The following MYH13 variants were observed in gnomAD, a reference collection of about 807,000 sequenced individuals.
MYH13 encodes the protein myosin heavy chain 13, also known as myosin-13.
Under a neutral mutation model 232.1 loss-of-function variants are expected in MYH13, and 177 were observed. That is an observed-to-expected ratio of 0.76 (90% CI 0.67 to 0.86). The LOEUF (loss-of-function observed/expected upper bound fraction) is 0.86. MYH13 is among the 40% of genes least tolerant of loss of function. The pLI, the probability that MYH13 is intolerant of heterozygous loss-of-function variation, is 0.00. For synonymous variants in MYH13, 884 were observed against 923.5 expected (o/e 0.96, Z 0.78); for missense variants, 2,246 against 2,405.9 (o/e 0.93, Z 1.39).
chr17:10,304,980 T>C lies in MYH13; in HGVS notation c.5466+1479A>G, dbSNP rs1906226816. ...CTGCAGAGCAGGGCCAACTCTGGGC[T>C]TGGAGACTCACTAGATCAGCCTTGA... On this transcript the variant is annotated intron_variant, in intron 37 of 40. Coordinates refer to ENST00000252172, the MANE Select transcript of MYH13 (RefSeq NM_003802.3). This position sits in a 1 kb window ranked among gnomAD's most constrained non-coding sequence, Gnocchi z 5.3. Among the ~76,000 whole-genome samples the C allele has an allele frequency of 6.6e-6, 1 of 152,188 alleles. No individual in the cohort carries two copies. Among genetic ancestry groups the C allele is most frequent in the African/African-American group, 2.4e-5 (1 of 41,454 alleles).
At chr17:10,359,321 T>G (rs1231561127) in intron 7 of MYH13, among the ~76,000 whole-genome samples, 1 of 152,186 alleles carries the variant, frequency 6.6e-6, no homozygotes, top group African/African-American at 2.4e-5. Context: ...GCTCATGTAA[T>G]GCAACCTCTA....
At chr17:10,352,356 C>T (rs568601249) in intron 11 of MYH13, among the ~76,000 whole-genome samples, 1 of 152,092 alleles carries the variant, frequency 6.6e-6, no homozygotes, top group Admixed American at 6.5e-5. Context: ...CTTTGGAAGG[C>T]CGAGGTGGGT....
chr17:10,303,605 A>G lies in MYH13; in HGVS notation c.5467-107T>C, dbSNP rs144869502. 2.2e-3 allele frequency: 2,056 copies of G among 938,238 alleles called. 39 individuals carry two copies. In the East Asian group the frequency reaches 0.038, roughly 17 times the overall value. 58.1% of individuals were successfully genotyped at this position (938,238 alleles called of 1,614,324 possible). On this transcript the variant is annotated intron_variant, in intron 37 of 40. Transcript: ENST00000252172. ...GTGAACTCAAGATCCCCTAATGGTC[A>G]TTAAAAAGTCAGGAAACAACAGATG...
intron 5 of MYH13, 34 bp from the exon 6 acceptor site, chr17:10,360,222 T>A (rs758355657): frequency 6.2e-7 from 1 of 1,604,550 alleles, no homozygotes; most frequent in Non-Finnish European, 8.5e-7. Flanking sequence ...ACAAAACAAA[T>A]AAACAACAAA....
chr17:10,331,054 C>T (rs1296743101), intron 20 of MYH13, among the ~76,000 whole-genome samples: 2 of 151,982 alleles, frequency 1.3e-5, no homozygotes, highest in Non-Finnish European at 2.9e-5. Context: ...ACAACAACGA[C>T]AAAAACAACG....
intron 13 of MYH13, 59 bp from the exon 14 acceptor site, chr17:10,345,675 T>A: frequency 6.2e-7 from 1 of 1,612,050 alleles, no homozygotes; most frequent in Non-Finnish European, 8.5e-7. Flanking sequence ...TGCATTAAGT[T>A]GAAACATATG....
rs763612530 is a variant in MYH13 at position 10,309,293 on chromosome 17, T to A, written c.5110A>T (p.Arg1704Trp). The change falls in exon 35 of 41, where the codon AGG becomes TGG. Residue 1704 changes from arginine (R) to tryptophan (W), a missense_variant. Arg to Trp is a moderately radical substitution (Grantham distance 101, BLOSUM62 -3). Transcript: ENST00000252172. ...VALEQTERTRRLSEQELLDAS... is the reference protein window; with the variant it reads ...VALEQTERTRWLSEQELLDAS... Reference sequence around the variant, plus strand: ...TCCAGCAGCTCCTGCTCTGACAGCCTGCGGGTCCGCTCCGTCTGTTCCAGG... The same window carrying A: ...TCCAGCAGCTCCTGCTCTGACAGCCAGCGGGTCCGCTCCGTCTGTTCCAGG... 2.5e-6 allele frequency: 4 copies of A among 1,613,888 alleles called. No homozygotes were observed. The highest frequency in any genetic ancestry group is 3.4e-6 in the Non-Finnish European group (4 of 1,179,842).
At chr17:10,307,183 A>C in intron 35 of MYH13, 119 bp from the exon 36 acceptor site, 8 of 1,280,106 alleles carry the variant, frequency 6.2e-6, no homozygotes, top group Non-Finnish European at 7.5e-6. Context: ...TATTTTTCAC[A>C]TGGGTGACCT....
At chr17:10,349,133 A>G (rs1010347673) in intron 12 of MYH13, among the ~76,000 whole-genome samples, 1 of 143,090 alleles carries the variant, frequency 7.0e-6, no homozygotes, top group Non-Finnish European at 1.5e-5. Context: ...ATGGAGTTTC[A>G]CGATTTTCAC....
Position 10,324,263 on chromosome 17 carries a change from T to G in MYH13, c.2693A>C (p.Glu898Ala), listed in dbSNP as rs1168036095. ...KNDLQLQVQSETENLMDAEER... is the reference protein window; with the variant it reads ...KNDLQLQVQSATENLMDAEER... ...CTCAGCGTCCATCAGATTTTCTGTT[T>G]CCTGAAAGAACCAGGTCATTTTATG... The change falls in exon 23 of 41, where the codon GAA (glutamate) becomes GCA (alanine). Residue 898 changes from glutamate to alanine, a missense_variant and splice_region_variant. By Grantham distance (107) the Glu-to-Ala change is moderately radical. Coordinates refer to ENST00000252172, the MANE Select transcript of MYH13 (RefSeq NM_003802.3). The G allele has an allele frequency of 2.5e-6, 4 of 1,613,192 alleles. No individual in the cohort carries two copies. Among genetic ancestry groups the G allele is most frequent in the Admixed American group, 1.7e-5 (1 of 59,862 alleles).
At chr17:10,312,460 C>T (rs569777876) in intron 31 of MYH13, 114 bp downstream of exon 31, 1 of 1,241,592 alleles carries the variant, frequency 8.1e-7, no homozygotes, top group East Asian at 2.6e-5. Flanking sequence ...TTCACCACTG[C>T]CACTGCAAAA....
chr17:10,302,214 T>C (rs1906118529), intron 39 of MYH13, among the ~76,000 whole-genome samples: 1 of 152,160 alleles, frequency 6.6e-6, no homozygotes, highest in Admixed American at 6.5e-5. Flanking sequence ...TGAATTGCTC[T>C]CAATATTGAA....
chr17:10,331,736 G>A (rs756483856), intron 20 of MYH13, among the ~76,000 whole-genome samples: 15 of 152,100 alleles, frequency 9.9e-5, no homozygotes, highest in South Asian at 4.2e-4. Context: ...ACTGCGCCCC[G>A]CTTGGTAGCT....
At chr17:10,327,741 C>T (rs778533860) in intron 22 of MYH13, 125 bp downstream of exon 22, 8 of 1,229,884 alleles carry the variant, frequency 6.5e-6, no homozygotes, top group Non-Finnish European at 9.0e-6. Flanking sequence ...TGCTGCAATA[C>T]TCCACATGAC....
intron 27 of MYH13, chr17:10,317,764 G>A (rs1412768118): frequency 6.6e-6 from 1 of 152,198 alleles, no homozygotes; most frequent in African/African-American, 2.4e-5. Context: ...GGGAGCTGCA[G>A]AAGGTTCAAG....
At chr17:10,332,333 C>A in intron 19 of MYH13, 111 bp from the exon 20 acceptor site, 1 of 1,379,346 alleles carries the variant, frequency 7.2e-7, no homozygotes, top group Non-Finnish European at 1.0e-6. Context: ...AAGTGGAATA[C>A]TGTACAGCTG....
rs61543278 is a variant in MYH13, at chr17:10,326,981, GTTTTTT to G, written c.2691+879_2691+884del. On this transcript the variant is annotated intron_variant, in intron 22 of 40. Transcript: ENST00000252172. The stretch of plus-strand genomic sequence containing the variant: ...GAGACATGCACCACCATGCCTACTA[GTTTTTT>G]TTTTTTTTTTTTTTTTTTTTTTTTT... Among the ~76,000 whole-genome samples, 142 of 55,830 alleles carry G rather than the reference GTTTTTT, an allele frequency of 2.5e-3. 40 individuals are homozygous for G. The highest frequency in any genetic ancestry group is 8.3e-3 in the African/African-American group (106 of 12,838). 36.6% of individuals were successfully genotyped at this position (55,830 alleles called of 152,430 possible).
At chr17:10,312,845 T>A (rs1476825150) in intron 30 of MYH13, 88 bp from the exon 31 acceptor site, 1 of 1,392,380 alleles carries the variant, frequency 7.2e-7, no homozygotes, top group African/African-American at 1.5e-5. Flanking sequence ...ATGAATAGCG[T>A]GGAAGGGACT....
Position 10,357,815 on chromosome 17 carries a change from C to A in MYH13, c.658G>T (p.Asp220Tyr). 6.2e-7 allele frequency: 1 copy of A among 1,613,594 alleles called. No individual in the cohort carries two copies. Among genetic ancestry groups the A allele is most frequent in the Non-Finnish European group, 8.5e-7 (1 of 1,179,690 alleles). The change falls in exon 8 of 41, where the codon GAT becomes TAT. Residue 220 changes from aspartate (D) to tyrosine (Y), a missense_variant. Physicochemically the swap from Asp to Tyr is radical, Grantham distance 160. Transcript: ENST00000252172. ...QPGKMQGTLE[D>Y]QIIQANPLLE... Reference sequence around the variant, plus strand: ...AGTGGGTTGGCCTGGATGATCTGATCCTCTAGGGTTCCCTAATAATAAACA... The same window carrying A: ...AGTGGGTTGGCCTGGATGATCTGATACTCTAGGGTTCCCTAATAATAAACA...
Sources: gnomAD v4.1 joint callset for allele counts (sites outside exome capture counted in the v4.1 genomes callset) on GRCh38, gnomAD v4.1.1 for gene constraint, Gnocchi (gnomAD v3.1) non-coding constraint, MANE v1.5 for transcripts, NCBI Gene and HGNC (gene_info 2026-07-23, HGNC 2026-07-21) for gene names.